Variants in PTGER3 observed in about 807,000 individuals in gnomAD.
PTGER3 encodes the protein prostaglandin E2 receptor EP3 subtype.
A neutral mutation model predicts 34.7 loss-of-function variants in PTGER3; 22 were observed. That is an observed-to-expected ratio of 0.63 (90% CI 0.45 to 0.91). The LOEUF (loss-of-function observed/expected upper bound fraction) is 0.91, where lower values mean the gene tolerates loss of function less well. PTGER3 is among the 40% of genes least tolerant of loss of function. The pLI is 0.00. For missense variants in PTGER3, 468 were observed against 519.4 expected (o/e 0.90, Z 0.96); for synonymous variants, 241 against 230.1 (o/e 1.05, Z -0.43).
rs1652049261 is a variant in PTGER3, at chr1:70,962,557, A to T, written c.1078-8768T>A. On this transcript the variant is annotated intron_variant, in intron 2 of 3. Transcript: ENST00000356595. Reference sequence around the variant, plus strand: ...GCCTCACACTTCATGGTGGAAGGTGAATGAGGAGCAAAGTCATGTCTTACA... The same window carrying T: ...GCCTCACACTTCATGGTGGAAGGTGTATGAGGAGCAAAGTCATGTCTTACA... 2.0e-5 allele frequency among the ~76,000 whole-genome samples: 3 copies of T among 152,184 alleles called. No individual in the cohort carries two copies. The South Asian group carries it at 6.2e-4, about 31-fold the overall frequency.
intron 4 of PTGER3, among the ~76,000 whole-genome samples, chr1:70,870,263 G>A (rs1256978120): frequency 6.6e-6 from 1 of 152,172 alleles, no homozygotes; most frequent in Non-Finnish European, 1.5e-5. Context: ...AGGATGCAAG[G>A]AGCATTGTCC....
rs573367164 is a variant in PTGER3 at position 71,036,615 on chromosome 1, C to A, written c.897+10066G>T. ...CAGCCCTTTGGGAGGCCGAGGTGGG[C>A]GGATCACAAGGTCAGGAGATCGAGA... On this transcript the variant is annotated intron_variant, in intron 1 of 3. Transcript: ENST00000306666. Among the ~76,000 whole-genome samples the A allele has an allele frequency of 1.2e-3, 184 of 152,100 alleles. 1 individual carries two copies. Among genetic ancestry groups the A allele is most frequent in the Non-Finnish European group, 2.2e-3 (152 of 67,996 alleles).
chr1:70,957,739 G>A (rs1332377950), intron 2 of PTGER3, among the ~76,000 whole-genome samples: 1 of 152,000 alleles, frequency 6.6e-6, no homozygotes, highest in African/African-American at 2.4e-5. Context: ...TGAATATGTA[G>A]TACAATGTTA....
rs115562998 is a variant in PTGER3 at position 71,006,550 on chromosome 1, C to G, written c.1077+5755G>C. 2.2e-3 allele frequency: 2,169 copies of G among 983,282 alleles called. 50 individuals are homozygous for G. In the African/African-American group the frequency reaches 0.036, roughly 16 times the overall value. 60.9% of individuals were successfully genotyped at this position (983,282 alleles called of 1,614,324 possible). A position where few individuals can be genotyped will look rare whatever the true frequency, so the allele number is the denominator to read the frequency against. On this transcript the variant is annotated intron_variant, in intron 2 of 3. Transcript: ENST00000306666. The stretch of plus-strand genomic sequence containing the variant: ...CAAGAAAGGGAAATAACTAAGCTTA[C>G]AATAATTTATAAATGCACTCTGTGT...
chr1:70,878,131 T>C (rs1646312318), intron 4 of PTGER3, among the ~76,000 whole-genome samples: 1 of 152,196 alleles, frequency 6.6e-6, no homozygotes, highest in Non-Finnish European at 1.5e-5. Flanking sequence ...GGCTTTTTAT[T>C]ACTGATTCAA....
intron 4 of PTGER3, chr1:70,853,007 C>A (rs776528476): frequency 1.0e-6 from 1 of 953,520 alleles, no homozygotes; most frequent in African/African-American, 1.7e-5. Context: ...AGAACAAGAA[C>A]AAGAACGAAG....
intron 4 of PTGER3, among the ~76,000 whole-genome samples, chr1:70,908,100 C>G (rs2100374709): frequency 6.6e-6 from 1 of 152,158 alleles, no homozygotes; most frequent in East Asian, 1.9e-4. Context: ...ATTATACCCA[C>G]TTTGTCTGCT....
chr1:70,986,456 G>A (rs1375999589), intron 2 of PTGER3, among the ~76,000 whole-genome samples: 4 of 152,128 alleles, frequency 2.6e-5, no homozygotes, highest in Non-Finnish European at 5.9e-5. Flanking sequence ...CTAAGGCAAT[G>A]GACTGGAGGA....
At position 71,047,565 on chromosome 1, in the gene PTGER3, G is replaced by T. The variant is rs780890779; in HGVS notation, c.13C>A (p.Arg5=). The T allele has an allele frequency of 2.6e-6, 4 of 1,550,768 alleles. No individual in the cohort carries two copies. The African/African-American group carries it at 5.4e-5, about 21-fold the overall frequency. MKET[R]GYGGDAPFCT... ...AAGGGGGCATCCCCTCCGTAGCCCCGGGTCTCCTTCATGTTGGCTTCGAGG... is the reference window on the plus strand; with the variant it reads ...AAGGGGGCATCCCCTCCGTAGCCCCTGGTCTCCTTCATGTTGGCTTCGAGG... Residue 5 remains arginine (R), a synonymous_variant, in exon 1 of 4, where the codon CGG becomes AGG. Coordinates refer to ENST00000306666, the MANE Select transcript of PTGER3 (RefSeq NM_198719.2).
chr1:70,944,428 TAGA>T (rs1209461492), intron 4 of PTGER3, among the ~76,000 whole-genome samples: 4 of 152,104 alleles, frequency 2.6e-5, no homozygotes, highest in South Asian at 4.1e-4. Flanking sequence ...GAAACCAGTA[TAGA>T]AGAAGTCAGG....
At chr1:70,934,319 G>T (rs1649003484) in intron 4 of PTGER3, among the ~76,000 whole-genome samples, 2 of 152,008 alleles carry the variant, frequency 1.3e-5, no homozygotes, top group Admixed American at 1.3e-4. Context: ...TTTCTTCACA[G>T]TCATGTGTCT....
rs1654293678 is a variant in PTGER3, at chr1:70,981,351, CT to C, written c.1078-6964del. On this transcript the variant is annotated intron_variant, in intron 2 of 3. Transcript: ENST00000306666. ...TCTTTCTTTCTTTCTTTCTTTCTTT[CT>C]TTCTTTCTTTCTTTCTTTCTTTCTT... Among the ~76,000 whole-genome samples, 4 of 82,846 alleles carry C rather than the reference CT, an allele frequency of 4.8e-5. No individual in the cohort carries two copies. In the South Asian group the frequency reaches 2.0e-3, roughly 42 times the overall value. The allele number at this position is 82,846 out of a possible 152,430, so 54.4% of individuals were successfully genotyped here. A position where few individuals can be genotyped will look rare whatever the true frequency, so the allele number is the denominator to read the frequency against.
In PTGER3 at chr1:70,922,559, C is replaced by T. The variant is rs569793400; in HGVS notation, c.*23+31204G>A. On this transcript the variant is annotated intron_variant, in intron 4 of 4. Coordinates refer to the PTGER3 transcript ENST00000370931. ...TGGAAAAAGCCAGCCCTTATCTGCA[C>T]TTCTGTCTGGGTCCTAGGCTCCACA... 8.4e-4 allele frequency among the ~76,000 whole-genome samples: 127 copies of T among 151,966 alleles called. 1 individual carries two copies. The highest frequency in any genetic ancestry group is 1.1e-3 in the Non-Finnish European group (78 of 67,996).
At chr1:70,953,009 A>G (rs774633158) in exon 4 of PTGER3, 6 of 1,612,100 alleles carry the variant, frequency 3.7e-6, no homozygotes, top group Middle Eastern at 1.7e-4. Flanking sequence ...GTACTTGCCC[A>G]CAATGTGCAG....
chr1:70,909,014 C>T (rs61777101), intron 4 of PTGER3, among the ~76,000 whole-genome samples: 15,446 of 152,206 alleles, frequency 0.1, 835 homozygotes, highest in South Asian at 0.12. Flanking sequence ...GGCCCATCCA[C>T]TCACTCTCTG....
At chr1:70,895,803 C>G (rs1033158584) in intron 4 of PTGER3, among the ~76,000 whole-genome samples, 27 of 152,280 alleles carry the variant, frequency 1.8e-4, no homozygotes, top group African/African-American at 4.1e-4. Flanking sequence ...CATGTAAGAA[C>G]TATAGTTTCA....
At chr1:70,913,547 T>C (rs1316560329) in intron 4 of PTGER3, among the ~76,000 whole-genome samples, 1 of 151,946 alleles carries the variant, frequency 6.6e-6, no homozygotes, top group Non-Finnish European at 1.5e-5. Flanking sequence ...GAGACAGCTT[T>C]GCCTCATTCT....
chr1:70,876,648 G>T (rs1162101725), intron 4 of PTGER3, among the ~76,000 whole-genome samples: 1 of 151,950 alleles, frequency 6.6e-6, no homozygotes, highest in Admixed American at 6.6e-5. Flanking sequence ...ATAAAGAAGG[G>T]GTCCACATTC....
chr1:70,980,547 G>A (rs774381001), intron 2 of PTGER3, among the ~76,000 whole-genome samples: 1 of 151,966 alleles, frequency 6.6e-6, no homozygotes, highest in Non-Finnish European at 1.5e-5. Context: ...GAGGATTCCT[G>A]GAGCCTAGGA....
Sources: gnomAD v4.1 joint callset for allele counts (sites outside exome capture counted in the v4.1 genomes callset) on GRCh38, gnomAD v4.1.1 for gene constraint, MANE v1.5 for transcripts, NCBI Gene and HGNC (gene_info 2026-07-23, HGNC 2026-07-21) for gene names.